ANKMY2: variants seen among roughly 807,000 people sequenced by gnomAD.
The protein encoded by ANKMY2 is ankyrin repeat and MYND domain-containing protein 2.
Under a neutral mutation model 50.4 loss-of-function variants are expected in ANKMY2, and 36 were observed. The ratio of observed to expected loss-of-function variants is 0.71; its 90% confidence interval spans 0.55 to 0.94. The LOEUF (loss-of-function observed/expected upper bound fraction) is 0.94. ANKMY2 is among the 40% of genes least tolerant of loss of function. ANKMY2 has a pLI of 0.00. For synonymous variants in ANKMY2, 187 were observed against 178.8 expected, an observed-to-expected ratio of 1.05 and a Z score of -0.36; for missense variants, 565 against 524.0, an observed-to-expected ratio of 1.08 and a Z score of -0.76.
rs1324565316 is a variant in ANKMY2 at position 16,600,581 on chromosome 7, G to T, written c.*180C>A. ...GGAATATCCATTCAATTATAGAACAGAAATCAATAGGAAATTAGGGCATGG... is the reference window on the plus strand; with the variant it reads ...GGAATATCCATTCAATTATAGAACATAAATCAATAGGAAATTAGGGCATGG... On this transcript the variant is annotated 3_prime_UTR_variant, in exon 10 of 10. Transcript: ENST00000306999. 2.2e-6 allele frequency: 1 copy of T among 448,316 alleles called. No homozygotes were observed. Among genetic ancestry groups the T allele is most frequent in the African/African-American group, 2.0e-5 (1 of 49,682 alleles). The allele number at this position is 448,316 out of a possible 1,614,324, so 27.8% of individuals were successfully genotyped here. A position where few individuals can be genotyped will look rare whatever the true frequency, so the allele number is the denominator to read the frequency against.
chr7:16,627,267 G>T, intron 2 of ANKMY2, 89 bp from the exon 3 acceptor site: 1 of 754,374 alleles, frequency 1.3e-6, no homozygotes, highest in Non-Finnish European at 2.0e-6. Context: ...AACATAAAAC[G>T]AATATGAACT....
At chr7:16,637,893 A>G (rs6959451) in intron 1 of ANKMY2, among the ~76,000 whole-genome samples, 119,655 of 152,182 alleles carry the variant, frequency 0.79, 47,260 homozygotes, top group Admixed American at 0.82. Context: ...GCATGTCAAA[A>G]CCTGCTACAT....
intron 1 of ANKMY2, among the ~76,000 whole-genome samples, chr7:16,638,623 T>C (rs151020707): frequency 1.8e-4 from 27 of 152,302 alleles, no homozygotes; most frequent in African/African-American, 6.3e-4. Context: ...TATTATTAAG[T>C]CAGTCTTCAG....
Position 16,636,374 on chromosome 7 carries a change from A to C in ANKMY2, c.132+17T>G, listed in dbSNP as rs752817263. The C allele has an allele frequency of 1.3e-6, 2 of 1,559,974 alleles. No individual in the cohort carries two copies. Among genetic ancestry groups the C allele is most frequent in the South Asian group, 1.2e-5 (1 of 82,670 alleles). On this transcript the variant is annotated intron_variant, in intron 2 of 9. Coordinates refer to ENST00000306999, the MANE Select transcript of ANKMY2 (RefSeq NM_020319.3). ...TTATAGGAAGTAAAATCCTTTATTA[A>C]ACTTCTAAAATCTTACCTCGTCCAA...
chr7:16,637,766 C>G lies in ANKMY2; in HGVS notation c.68-1311G>C, dbSNP rs1448186955. On this transcript the variant is annotated intron_variant, in intron 1 of 9. Coordinates refer to ENST00000306999, the MANE Select transcript of ANKMY2 (RefSeq NM_020319.3). The stretch of plus-strand genomic sequence containing the variant: ...ACAAAAACCCCGCACCCCAGTTTCT[C>G]TTGAGGAAGATGCTTCATCCAAATC... 2.6e-5 allele frequency among the ~76,000 whole-genome samples: 4 copies of G among 152,190 alleles called. No individual in the cohort carries two copies. The South Asian group carries it at 6.2e-4, about 24-fold the overall frequency.
intron 4 of ANKMY2, 65 bp from the exon 5 acceptor site, chr7:16,615,969 A>C: frequency 6.9e-7 from 1 of 1,458,746 alleles, no homozygotes; most frequent in South Asian, 1.3e-5. Context: ...GGTTTTTAAA[A>C]TTAATTATGT....
At chr7:16,618,367 A>C (rs890699524) in intron 4 of ANKMY2, among the ~76,000 whole-genome samples, 1 of 152,212 alleles carries the variant, frequency 6.6e-6, no homozygotes, top group Non-Finnish European at 1.5e-5. Context: ...ATTATACAAC[A>C]GATGAAAGAG....
intron 4 of ANKMY2, among the ~76,000 whole-genome samples, chr7:16,623,959 C>T (rs1471190866): frequency 6.6e-6 from 1 of 152,042 alleles, no homozygotes; most frequent in African/African-American, 2.4e-5. Context: ...TACTATCCTC[C>T]ACACCTAATT....
At position 16,614,133 on chromosome 7, in the gene ANKMY2, A is replaced by G. The variant is rs192107023; in HGVS notation, c.531+1611T>C. On this transcript the variant is annotated intron_variant, in intron 5 of 9. Transcript: ENST00000306999. ...TGAGAAATACTGTACCCTGACAGAA[A>G]CCTGTCTCCCCATCCCAGCCAGCCC... is the stretch of plus-strand genomic sequence containing the variant. Among the ~76,000 whole-genome samples, 458 of 152,282 alleles carry G rather than the reference A, an allele frequency of 3.0e-3. 15 individuals are homozygous for G. The highest frequency in any genetic ancestry group is 0.025 in the Admixed American group (378 of 15,282).
chr7:16,639,642 T>C (rs1025572878), intron 1 of ANKMY2, among the ~76,000 whole-genome samples: 3 of 151,682 alleles, frequency 2.0e-5, no homozygotes, highest in Admixed American at 2.0e-4. Context: ...ATTAGCAAGG[T>C]GTGGTGGCAT....
At position 16,645,710 on chromosome 7, in the gene ANKMY2, G is replaced by A. The variant is rs1193639871; in HGVS notation, c.-137C>T. The A allele has an allele frequency of 2.1e-6, 2 of 945,768 alleles. No individual in the cohort carries two copies. The highest frequency in any genetic ancestry group is 1.5e-6 in the Non-Finnish European group (1 of 662,658). The allele number at this position is 945,768 out of a possible 1,614,324, so 58.6% of individuals were successfully genotyped here. A position where few individuals can be genotyped will look rare whatever the true frequency, so the allele number is the denominator to read the frequency against. On this transcript the variant is annotated 5_prime_UTR_variant, in exon 1 of 10. Coordinates refer to ENST00000306999, the MANE Select transcript of ANKMY2 (RefSeq NM_020319.3). Reference sequence around the variant, plus strand: ...GAGTAGCCAACCGCGGAAACGCTTCGCTTCTCTCCTCCCTCCCGCGGGCTG... The same window carrying A: ...GAGTAGCCAACCGCGGAAACGCTTCACTTCTCTCCTCCCTCCCGCGGGCTG...
intron 4 of ANKMY2, among the ~76,000 whole-genome samples, chr7:16,619,219 T>A (rs1014662251): frequency 2.0e-5 from 3 of 151,800 alleles, no homozygotes; most frequent in African/African-American, 7.3e-5. Context: ...AATGGCGCGA[T>A]CTTGGCTCAC....
At chr7:16,643,627 T>TAAATAC (rs1170853803) in intron 1 of ANKMY2, among the ~76,000 whole-genome samples, 1 of 151,792 alleles carries the variant, frequency 6.6e-6, no homozygotes, top group African/African-American at 2.4e-5. Flanking sequence ...ATCTTCAAAA[T>TAAATAC]AAATACTGAT....
intron 5 of ANKMY2, among the ~76,000 whole-genome samples, chr7:16,611,400 G>A (rs995594686): frequency 3.3e-5 from 5 of 152,098 alleles, no homozygotes; most frequent in African/African-American, 9.7e-5. Context: ...AATCTTACAC[G>A]TTATGAGTCC....
intron 7 of ANKMY2, among the ~76,000 whole-genome samples, chr7:16,606,841 G>C (rs1187155273): frequency 6.6e-6 from 1 of 152,078 alleles, no homozygotes; most frequent in Non-Finnish European, 1.5e-5. Context: ...ATAATGACTG[G>C]GTCTGCTTTC....
In ANKMY2 at chr7:16,601,289, C is replaced by T. The variant is rs77709309; in HGVS notation, c.1142-344G>A. Among the ~76,000 whole-genome samples the T allele has an allele frequency of 7.2e-5, 11 of 152,314 alleles. No homozygotes were observed. In the East Asian group the frequency reaches 2.1e-3, roughly 29 times the overall value. On this transcript the variant is annotated intron_variant, in intron 9 of 9. Transcript: ENST00000306999. ...TTGATGTCCTTGGAGAGGTAATTGC[C>T]TGCATGAAGTTGTTTCCCTTGTCTA...
intron 2 of ANKMY2, among the ~76,000 whole-genome samples, chr7:16,632,719 G>C (rs1009969410): frequency 6.6e-6 from 1 of 152,126 alleles, no homozygotes; most frequent in African/African-American, 2.4e-5. Flanking sequence ...ACATGCATTT[G>C]CATATGCAAA....
chr7:16,604,727 G>T lies in ANKMY2; in HGVS notation c.1005C>A (p.Cys335Ter), dbSNP rs773622347. ...AAAAGAACTCCATTCTTACCATTTT[G>T]CAAACTGAACATCTTTTACTTGCTC... Reference protein sequence around the residue: ...EKGASKRCSVCKMVIYCDQTC... With the variant: ...EKGASKRCSV The change falls in exon 8 of 10, where the codon TGC becomes TGA. Residue 335 changes from cysteine (C) to a stop codon, truncating the protein, a stop_gained. Transcript: ENST00000306999. LOFTEE classifies it high-confidence loss of function. 1 of 1,613,564 alleles carries T rather than the reference G, an allele frequency of 6.2e-7. No homozygotes were observed. Among genetic ancestry groups the T allele is most frequent in the Non-Finnish European group, 8.5e-7 (1 of 1,179,720 alleles).
Position 16,600,822 on chromosome 7 carries a change from C to T in ANKMY2, c.1265G>A (p.Ser422Asn), listed in dbSNP as rs1781043651. Reference sequence around the variant, plus strand: ...CTGTAAGCCTTCCAACTCAGCTTCGCTTTCAAGAGATTCTTTCTTTCCTTC... The same window carrying T: ...CTGTAAGCCTTCCAACTCAGCTTCGTTTTCAAGAGATTCTTTCTTTCCTTC... Reference protein sequence around the residue: ...SGEGKKESLESEAELEGLQDA... With the variant: ...SGEGKKESLENEAELEGLQDA... The change falls in exon 10 of 10, where the codon AGC becomes AAC. Residue 422 changes from serine (S) to asparagine (N), a missense_variant. By Grantham distance (46) the Ser-to-Asn change is conservative (BLOSUM62 1). Coordinates refer to ENST00000306999, the MANE Select transcript of ANKMY2 (RefSeq NM_020319.3). 6.2e-7 allele frequency: 1 copy of T among 1,613,838 alleles called. No individual in the cohort carries two copies. Among genetic ancestry groups the T allele is most frequent in the Non-Finnish European group, 8.5e-7 (1 of 1,179,896 alleles).
Sources: allele counts gnomAD v4.1 joint callset (sites outside exome capture counted in the v4.1 genomes callset), GRCh38; gene constraint gnomAD v4.1.1; transcripts MANE v1.5; gene names NCBI Gene and HGNC (gene_info 2026-07-23, HGNC 2026-07-21).